The following PCDHGB6 variants were observed in gnomAD, a reference collection of about 807,000 sequenced individuals.
PCDHGB6 encodes the protein protocadherin gamma-B6.
PCDHGB6 carries 51 observed loss-of-function variants against 59.1 expected under a neutral mutation model. The observed-to-expected ratio is 0.86, with a 90% CI of 0.69 to 1.09. The LOEUF is 1.09. Among genes scored for constraint, PCDHGB6 ranks in the 50% least tolerant of loss-of-function variants. The pLI is 0.00. For missense variants in PCDHGB6, 1,148 were observed against 1,205.1 expected, an observed-to-expected ratio of 0.95 and a Z score of 0.70; for synonymous variants, 466 against 495.1, an observed-to-expected ratio of 0.94 and a Z score of 0.78.
chr5:141,410,774 C>G, intron 1 of PCDHGB6, 154 bp downstream of exon 1: 4 of 955,126 alleles, frequency 4.2e-6, no homozygotes, highest in Non-Finnish European at 5.8e-6. Context: ...ATAGTTTTCA[C>G]TATGTATTTG....
rs948446189 is a variant in PCDHGB6, at chr5:141,408,271, T to C, written c.69T>C (p.Pro23=). 4.3e-6 allele frequency: 7 copies of C among 1,610,858 alleles called. No homozygotes were observed. Among genetic ancestry groups the C allele is most frequent in the Non-Finnish European group, 5.9e-6 (7 of 1,178,394 alleles). The change falls in exon 1 of 4, where the codon CCT becomes CCC. Residue 23 remains proline, a synonymous_variant. Coordinates refer to ENST00000520790, the MANE Select transcript of PCDHGB6 (RefSeq NM_018926.3). ...PRQVLFPLLL[P]LFYPTLSEPI... is the part of the protein sequence containing the mutation. ...AGGTGCTATTTCCTTTGCTGCTGCC[T>C]TTGTTCTACCCCACCCTGAGTGAGC... is the stretch of plus-strand genomic sequence containing the variant.
rs754178145 is a variant in PCDHGB6 at position 141,489,423 on chromosome 5, C to G, written c.2419-5384C>G. On this transcript the variant is annotated intron_variant, in intron 1 of 3. Transcript: ENST00000520790. The surrounding 1 kb of genome is among the most constrained non-coding windows in gnomAD (Gnocchi z 4.5). ...GCTTAAAGATGACAGATCTGTTGAG[C>G]CGGCGGCTGCAATTGGGCTCTGAGG... 3 of 1,614,098 alleles carry G rather than the reference C, an allele frequency of 1.9e-6. No individual in the cohort carries two copies. The highest frequency in any genetic ancestry group is 1.7e-5 in the Admixed American group (1 of 60,020).
At chr5:141,463,650 A>G (rs1206605758) in intron 1 of PCDHGB6, among the ~76,000 whole-genome samples, 1 of 151,746 alleles carries the variant, frequency 6.6e-6, no homozygotes, top group South Asian at 2.1e-4. Flanking sequence ...ACGGGGTTTC[A>G]CCGTGTTAGC....
At chr5:141,424,717 T>G (rs914445969) in intron 1 of PCDHGB6, 1 of 152,202 alleles carries the variant, frequency 6.6e-6, no homozygotes, top group Non-Finnish European at 1.5e-5. Context: ...TCAGTGTAGT[T>G]GGGAGTCATA....
chr5:141,421,670 T>A, intron 1 of PCDHGB6: 3 of 1,613,892 alleles, frequency 1.9e-6, no homozygotes, highest in Non-Finnish European at 2.5e-6. Flanking sequence ...GAGCACGCAA[T>A]TCCTGGGGCG....
Position 141,485,208 on chromosome 5 carries a change from G to T in PCDHGB6, c.2419-9599G>T, listed in dbSNP as rs2099609377. On this transcript the variant is annotated intron_variant, in intron 1 of 3. Coordinates refer to ENST00000520790, the MANE Select transcript of PCDHGB6 (RefSeq NM_018926.3). This position sits in a 1 kb window ranked among gnomAD's most constrained non-coding sequence, Gnocchi z 5.7. ...AAGGTGAGAAGCTGGACAGAAATCT[G>T]GCGGTGGGCTACCCTTTTGTTCCTC... The T allele has an allele frequency of 6.2e-7, 1 of 1,613,998 alleles. No homozygotes were observed. The highest frequency in any genetic ancestry group is 1.3e-5 in the African/African-American group (1 of 74,930).
At chr5:141,435,435 T>G (rs2097763289) in intron 1 of PCDHGB6, among the ~76,000 whole-genome samples, 1 of 152,212 alleles carries the variant, frequency 6.6e-6, no homozygotes. Context: ...TGTTATGCAT[T>G]TCATTAATAC....
At position 141,478,208 on chromosome 5, in the gene PCDHGB6, C is replaced by G. The variant is rs200735608; in HGVS notation, c.2419-16599C>G. The G allele has an allele frequency of 2.5e-6, 4 of 1,614,096 alleles. No individual in the cohort carries two copies. The East Asian group carries it at 8.9e-5, about 36-fold the overall frequency. ...TCTCACCTTTTATCTACTTCTTTCTCTAATCCTGGTTTCTGTGGGGTTTGT... is the reference window on the plus strand; with the variant it reads ...TCTCACCTTTTATCTACTTCTTTCTGTAATCCTGGTTTCTGTGGGGTTTGT... On this transcript the variant is annotated intron_variant, in intron 1 of 3. Coordinates refer to ENST00000520790, the MANE Select transcript of PCDHGB6 (RefSeq NM_018926.3).
chr5:141,478,124 T>C (rs776469996), intron 1 of PCDHGB6: 1 of 1,613,978 alleles, frequency 6.2e-7, no homozygotes, highest in South Asian at 1.1e-5. Flanking sequence ...AACCGAGGAC[T>C]CTCCTGAAGC....
At chr5:141,421,603 G>T (rs1207844782) in intron 1 of PCDHGB6, 4 of 1,613,758 alleles carry the variant, frequency 2.5e-6, no homozygotes, top group Non-Finnish European at 3.4e-6. Context: ...GGAAATAATA[G>T]ATATTAATGA....
chr5:141,410,445 T>A lies in PCDHGB6; in HGVS notation c.2243T>A (p.Leu748Ter). The A allele has an allele frequency of 6.2e-7, 1 of 1,614,060 alleles. No individual in the cohort carries two copies. Reference protein sequence around the residue: ...VVPPNYSEGTLPYSYNLCIAH... With the variant: ...VVPPNYSEGT ...CCCCCCAACTACAGTGAGGGGACTT[T>A]GCCTTATTCTTATAATCTGTGCATT... Residue 748 changes from leucine (L) to a stop codon, truncating the protein, a stop_gained, in exon 1 of 4, where the codon TTG (leucine) becomes TAG (stop). Coordinates refer to ENST00000520790, the MANE Select transcript of PCDHGB6 (RefSeq NM_018926.3). LOFTEE classifies it high-confidence loss of function.
intron 1 of PCDHGB6, chr5:141,478,432 G>T (rs1238011675): frequency 6.2e-7 from 1 of 1,613,728 alleles, no homozygotes; most frequent in Admixed American, 1.7e-5. Context: ...GCGACCCGCT[G>T]CTGAAGAAAC....
In PCDHGB6 at chr5:141,409,927, C is replaced by T; in HGVS notation, c.1725C>T (p.Phe575=). 3.1e-6 allele frequency: 5 copies of T among 1,613,342 alleles called. No individual in the cohort carries two copies. The highest frequency in any genetic ancestry group is 1.6e-4 in the Middle Eastern group (1 of 6,062). Residue 575 remains phenylalanine, a synonymous_variant, in exon 1 of 4, where the codon TTC becomes TTT. Transcript: ENST00000520790. ...PALGPDGSAF[F]DMVPRSAEPG... is the part of the protein sequence containing the mutation. ...TGGGTCCTGACGGCTCCGCGTTCTT[C>T]GATATGGTACCTCGCTCTGCAGAGC...
chr5:141,415,651 A>C, intron 1 of PCDHGB6: 1 of 1,595,106 alleles, frequency 6.3e-7, no homozygotes. Context: ...TAAAAAAAAA[A>C]AGATTGGTTT....
Position 141,477,413 on chromosome 5 carries a change from G to A in PCDHGB6, c.2419-17394G>A. ...CCTCAGCATCACCGCCCGAGACGCC[G>A]GAACCCCTTCCCTCTCAGCCCTTAC... On this transcript the variant is annotated intron_variant, in intron 1 of 3. Transcript: ENST00000520790. This position sits in a 1 kb window ranked among gnomAD's most constrained non-coding sequence, Gnocchi z 4.9. 1 of 1,614,080 alleles carries A rather than the reference G, an allele frequency of 6.2e-7. No individual in the cohort carries two copies. Among genetic ancestry groups the A allele is most frequent in the Non-Finnish European group, 8.5e-7 (1 of 1,180,026 alleles).
chr5:141,486,166 G>A lies in PCDHGB6; in HGVS notation c.2419-8641G>A. ...GCGATGGGGGTTCTCCAGCCATGGA[G>A]CAACATTGCAGCCTTCGAGTGGATC... On this transcript the variant is annotated intron_variant, in intron 1 of 3. Coordinates refer to ENST00000520790, the MANE Select transcript of PCDHGB6 (RefSeq NM_018926.3). The surrounding 1 kb of genome is among the most constrained non-coding windows in gnomAD (Gnocchi z 5.0). The A allele has an allele frequency of 2.5e-6, 4 of 1,614,224 alleles. No individual in the cohort carries two copies. The highest frequency in any genetic ancestry group is 3.4e-6 in the Non-Finnish European group (4 of 1,180,040).
At chr5:141,484,054 G>A (rs1192214731) in intron 1 of PCDHGB6, among the ~76,000 whole-genome samples, 4 of 152,044 alleles carry the variant, frequency 2.6e-5, no homozygotes, top group African/African-American at 9.7e-5. Flanking sequence ...AGGTCCCCTG[G>A]GGCTAAGTGA....
At chr5:141,509,574 G>A (rs554778751) in intron 3 of PCDHGB6, among the ~76,000 whole-genome samples, 7 of 152,182 alleles carry the variant, frequency 4.6e-5, no homozygotes, top group Non-Finnish European at 5.9e-5. Flanking sequence ...TTCACAGTGC[G>A]TACAAATCAG....
rs1222364302 is a variant in PCDHGB6, at chr5:141,414,920, C to T, written c.2418+4300C>T. On this transcript the variant is annotated intron_variant, in intron 1 of 3. Coordinates refer to ENST00000520790, the MANE Select transcript of PCDHGB6 (RefSeq NM_018926.3). ...GACGGTTCCACAGGCGTGGAGCTGG[C>T]GCCCCGCTCCGCAGAGCCCGGCTAC... 2.5e-6 allele frequency: 4 copies of T among 1,614,146 alleles called. No individual in the cohort carries two copies. The South Asian group carries it at 3.3e-5, about 13-fold the overall frequency.
Sources: allele counts gnomAD v4.1 joint callset (sites outside exome capture counted in the v4.1 genomes callset), GRCh38; gene constraint gnomAD v4.1.1; non-coding constraint Gnocchi (gnomAD v3.1); transcripts MANE v1.5; gene names NCBI Gene and HGNC (gene_info 2026-07-23, HGNC 2026-07-21).